Variants in ACER3 observed in about 807,000 individuals in gnomAD.
ACER3 encodes the protein alkaline ceramidase 3.
Under a neutral mutation model 48.9 loss-of-function variants are expected in ACER3, and 16 were observed. The ratio of observed to expected loss-of-function variants is 0.33; its 90% CI spans 0.22 to 0.50. The LOEUF (loss-of-function observed/expected upper bound fraction) is 0.50, where lower values mean the gene tolerates loss of function less well. Ranked by LOEUF, ACER3 falls within the 20% of genes least tolerant of loss-of-function variation. ACER3 has a pLI of 0.98. For missense variants in ACER3, 227 were observed against 326.0 expected, an observed-to-expected ratio of 0.70 and a Z score of 2.34; for synonymous variants, 109 against 107.8, an observed-to-expected ratio of 1.01 and a Z score of -0.07.
rs1484912678 is a variant in ACER3, at chr11:76,962,244, T to C, written c.267+3213T>C. Reference sequence around the variant, plus strand: ...TTTTTTTTTTTTTTTTGAGATGGAGTCTCACTCTGTCGCCCAGAGTGACAC... The same window carrying C: ...TTTTTTTTTTTTTTTTGAGATGGAGCCTCACTCTGTCGCCCAGAGTGACAC... On this transcript the variant is annotated intron_variant, in intron 3 of 10. Transcript: ENST00000532485. 3.5e-5 allele frequency among the ~76,000 whole-genome samples: 4 copies of C among 115,518 alleles called. No individual in the cohort carries two copies. The East Asian group carries it at 9.6e-4, about 28-fold the overall frequency. 75.8% of individuals were successfully genotyped at this position (115,518 alleles called of 152,430 possible). A position where few individuals can be genotyped will look rare whatever the true frequency, so the allele number is the denominator to read the frequency against.
intron 2 of ACER3, among the ~76,000 whole-genome samples, chr11:76,942,215 T>C (rs1947358465): frequency 6.6e-6 from 1 of 151,986 alleles, no homozygotes; most frequent in South Asian, 2.1e-4. Context: ...TGAATAAGAG[T>C]GGTGAAAGTG....
At chr11:76,939,881 G>C (rs1244985960) in intron 2 of ACER3, among the ~76,000 whole-genome samples, 1 of 152,138 alleles carries the variant, frequency 6.6e-6, no homozygotes, top group East Asian at 1.9e-4. Flanking sequence ...TTAGATTCTG[G>C]GTTGGGGCAT....
At chr11:76,948,858 T>C (rs1389287819) in intron 2 of ACER3, among the ~76,000 whole-genome samples, 3 of 152,230 alleles carry the variant, frequency 2.0e-5, no homozygotes, top group African/African-American at 2.4e-5. Flanking sequence ...ATAAAATTCA[T>C]TGATACCTAT....
chr11:76,962,949 T>G (rs1590997772), intron 3 of ACER3, among the ~76,000 whole-genome samples: 1 of 151,256 alleles, frequency 6.6e-6, no homozygotes, highest in Non-Finnish European at 1.5e-5. Context: ...TTAAGGCTGG[T>G]CCTTGGAAAA....
In ACER3 at chr11:77,005,978, T is replaced by TATATATATTATATATATATAC. The variant is rs1555020866; in HGVS notation, c.497+7165_497+7166insTATATATATATACATATATAT. Among the ~76,000 whole-genome samples, 39 of 44,796 alleles carry TATATATATTATATATATATAC rather than the reference T, an allele frequency of 8.7e-4. 1 individual carries two copies. Among genetic ancestry groups the TATATATATTATATATATATAC allele is most frequent in the South Asian group, 5.9e-3 (5 of 850 alleles). The allele number at this position is 44,796 out of a possible 152,430, so 29.4% of individuals were successfully genotyped here. ...TGTATATTATATATATATACATATATATATATATATATATTTTTTTTTTTT... is the reference window on the plus strand; with the variant it reads ...TGTATATTATATATATATACATATATATATATATTATATATATATACATATATATATATATTTTTTTTTTTT... On this transcript the variant is annotated intron_variant, in intron 7 of 10. Transcript: ENST00000532485.
At chr11:77,011,383 A>G in intron 7 of ACER3, 1 of 985,480 alleles carries the variant, frequency 1.0e-6, no homozygotes, top group South Asian at 4.7e-5. Context: ...ATGGTAAGTA[A>G]GTTTAGAAGC....
At chr11:76,884,317 C>G (rs761798776) in intron 1 of ACER3, among the ~76,000 whole-genome samples, 3 of 152,056 alleles carry the variant, frequency 2.0e-5, no homozygotes, top group African/African-American at 4.8e-5. Flanking sequence ...TTTCCCTTTT[C>G]TCAGAGATCA....
At chr11:76,955,660 C>G (rs1404260313) in intron 2 of ACER3, 3 of 152,214 alleles carry the variant, frequency 2.0e-5, no homozygotes, top group African/African-American at 7.2e-5. Context: ...GGATGCCACG[C>G]CCATATGACC....
intron 7 of ACER3, among the ~76,000 whole-genome samples, chr11:77,005,533 A>G (rs1555020703): frequency 1.3e-5 from 2 of 152,158 alleles, no homozygotes; most frequent in African/African-American, 4.8e-5. Flanking sequence ...TCTAGAGGCT[A>G]GAAGTCCCAG....
chr11:76,898,025 T>A (rs1945979683), intron 1 of ACER3, among the ~76,000 whole-genome samples: 1 of 152,190 alleles, frequency 6.6e-6, no homozygotes, highest in Non-Finnish European at 1.5e-5. Context: ...TAAAAGGCAC[T>A]GTTAATTGAA....
chr11:76,934,399 T>C (rs1225372518), intron 2 of ACER3, among the ~76,000 whole-genome samples: 1 of 152,148 alleles, frequency 6.6e-6, no homozygotes, highest in African/African-American at 2.4e-5. Context: ...CTGGGCACCA[T>C]TGAGCACTGA....
At chr11:76,914,832 G>A (rs150188370) in intron 1 of ACER3, among the ~76,000 whole-genome samples, 70 of 152,304 alleles carry the variant, frequency 4.6e-4, no homozygotes, top group African/African-American at 1.4e-3. Context: ...TTAAGAAAAT[G>A]TGGCACATAT....
intron 7 of ACER3, chr11:77,011,404 T>C: frequency 1.0e-6 from 1 of 983,334 alleles, no homozygotes; most frequent in Non-Finnish European, 1.2e-6. Context: ...AGAAAACAGA[T>C]AGCACCCTAC....
chr11:77,016,821 TG>T, intron 9 of ACER3, 42 bp downstream of exon 9: 4 of 1,105,224 alleles, frequency 3.6e-6, no homozygotes, highest in South Asian at 1.5e-5. Context: ...TAGAGTTTGT[TG>T]TTTTTTTTTT....
intron 3 of ACER3, among the ~76,000 whole-genome samples, chr11:76,960,500 G>T (rs1013365429): frequency 3.9e-5 from 6 of 152,010 alleles, no homozygotes; most frequent in Non-Finnish European, 5.9e-5. Flanking sequence ...AAAAAATTAT[G>T]AATAAAGTAT....
intron 2 of ACER3, among the ~76,000 whole-genome samples, chr11:76,934,460 C>T (rs963383162): frequency 2.0e-5 from 3 of 152,372 alleles, no homozygotes; most frequent in East Asian, 1.9e-4. Flanking sequence ...CCGAGGCTGG[C>T]GGATCACTTG....
chr11:76,917,837 G>A (rs1946573416), intron 1 of ACER3, among the ~76,000 whole-genome samples: 1 of 144,258 alleles, frequency 6.9e-6, no homozygotes, highest in East Asian at 2.0e-4. Flanking sequence ...CTCACTCTGT[G>A]CAACAGAGAG....
At chr11:76,960,753 T>G (rs1947968810) in intron 3 of ACER3, among the ~76,000 whole-genome samples, 1 of 152,118 alleles carries the variant, frequency 6.6e-6, no homozygotes. Context: ...GGAGGGTATT[T>G]GCACATCAAG....
chr11:76,916,255 A>T (rs1366304497), intron 1 of ACER3, among the ~76,000 whole-genome samples: 1 of 152,216 alleles, frequency 6.6e-6, no homozygotes, highest in African/African-American at 2.4e-5. Flanking sequence ...CACATCTGAA[A>T]TAATATCTAT....
Sources: allele counts gnomAD v4.1 joint callset (sites outside exome capture counted in the v4.1 genomes callset), GRCh38; gene constraint gnomAD v4.1.1; transcripts MANE v1.5; gene names NCBI Gene and HGNC (gene_info 2026-07-23, HGNC 2026-07-21).